KANK1: variants seen among roughly 807,000 people sequenced by gnomAD.
The protein encoded by KANK1 is KN motif and ankyrin repeat domain-containing protein 1.
KANK1 carries 109 observed loss-of-function variants against 106.2 expected under a neutral mutation model. The observed-to-expected ratio is 1.03, with a 90% confidence interval of 0.88 to 1.20. The LOEUF is 1.20. Ranked by LOEUF, KANK1 falls within the 50% of genes most tolerant of loss-of-function variation. The pLI, the probability that KANK1 is intolerant of heterozygous loss-of-function variation, is 0.00. For missense variants in KANK1, 2,399 were observed against 1,710.7 expected (o/e 1.40, Z -7.10); for synonymous variants, 873 against 652.2 (o/e 1.34, Z -5.16).
chr9:730,741 T>C, intron 4 of KANK1: 2 of 181,884 alleles, frequency 1.1e-5, no homozygotes, highest in South Asian at 2.4e-4. Context: ...ATATTACAAA[T>C]TATGAAATAT....
chr9:541,806 C>A (rs1029476307), intron 1 of KANK1, among the ~76,000 whole-genome samples: 1 of 152,008 alleles, frequency 6.6e-6, no homozygotes, highest in African/African-American at 2.4e-5. Context: ...AAAAAATGAA[C>A]AGGCCGGGCG....
At chr9:547,700 G>T (rs1412247828) in intron 1 of KANK1, among the ~76,000 whole-genome samples, 1 of 151,928 alleles carries the variant, frequency 6.6e-6, no homozygotes, top group Non-Finnish European at 1.5e-5. Flanking sequence ...CTTCCTGCAT[G>T]GTGGGTACCA....
chr9:709,438 C>T (rs1825289517), intron 2 of KANK1, among the ~76,000 whole-genome samples: 1 of 152,168 alleles, frequency 6.6e-6, no homozygotes, highest in Admixed American at 6.6e-5. Context: ...AGGGACATCT[C>T]ATCCCAGGCC....
intron 1 of KANK1, among the ~76,000 whole-genome samples, chr9:595,468 G>A (rs1305124543): frequency 4.6e-5 from 7 of 151,852 alleles, no homozygotes; most frequent in Admixed American, 4.6e-4. Context: ...TGCAAAATGA[G>A]CCTGCTGCGA....
At position 745,179 on chromosome 9, in the gene KANK1, C is replaced by T. The variant is rs1273727355; in HGVS notation, c.4003C>T (p.Pro1335Ser). The change falls in exon 12 of 12, where the codon CCT becomes TCT. Residue 1335 changes from proline (P) to serine (S), a missense_variant. Coordinates refer to ENST00000382297, the MANE Select transcript of KANK1 (RefSeq NM_015158.5). ...NFAKAQSPGT[P>S]RLGRKTSPGP... is the part of the protein sequence containing the mutation. ...TTCCTTTCCTGGTCTCTAGGGCACC[C>T]CTAGGCTTGGAAGGAAGACGTCTCC... 6.2e-7 allele frequency: 1 copy of T among 1,613,946 alleles called. No homozygotes were observed.
chr9:504,609 C>T (rs866681321), upstream of KANK1: 1 of 151,154 alleles, frequency 6.6e-6, no homozygotes, highest in Non-Finnish European at 1.5e-5. Flanking sequence ...GGCTTCCCCG[C>T]CCCGGCGGCG....
At chr9:635,691 A>ATT (rs1163885705) in intron 1 of KANK1, among the ~76,000 whole-genome samples, 3 of 116,080 alleles carry the variant, frequency 2.6e-5, no homozygotes, top group Admixed American at 1.8e-4. Flanking sequence ...ATTCCTTTTT[A>ATT]TTCTTTTTTT....
intron 1 of KANK1, among the ~76,000 whole-genome samples, chr9:654,665 C>T (rs1475489394): frequency 6.6e-6 from 1 of 152,116 alleles, no homozygotes; most frequent in Non-Finnish European, 1.5e-5. Context: ...TTTTAAGTCA[C>T]CCTTCTAAGA....
At chr9:654,536 C>T (rs1429636430) in intron 1 of KANK1, among the ~76,000 whole-genome samples, 1 of 151,474 alleles carries the variant, frequency 6.6e-6, no homozygotes, top group African/African-American at 2.4e-5. Flanking sequence ...TTTTTTCAAA[C>T]ACTAACTCAA....
At chr9:557,577 C>T (rs964283733) in intron 1 of KANK1, among the ~76,000 whole-genome samples, 2 of 152,142 alleles carry the variant, frequency 1.3e-5, no homozygotes, top group African/African-American at 4.8e-5. Flanking sequence ...TGAAAAATAG[C>T]CAAACTGTTA....
chr9:505,680 T>A (rs528580675), intron 1 of KANK1, among the ~76,000 whole-genome samples: 2 of 152,186 alleles, frequency 1.3e-5, no homozygotes, highest in African/African-American at 4.8e-5. Context: ...GTTAACAATT[T>A]ATGGCGTCCG....
chr9:717,665 A>C (rs953920322), intron 3 of KANK1, among the ~76,000 whole-genome samples: 2 of 152,216 alleles, frequency 1.3e-5, no homozygotes, highest in Non-Finnish European at 2.9e-5. Context: ...AGTTTCTGTT[A>C]TAACAAAAAT....
At chr9:673,837 G>A (rs1211655684) in intron 1 of KANK1, 1 of 151,990 alleles carries the variant, frequency 6.6e-6, no homozygotes, top group Non-Finnish European at 1.5e-5. Flanking sequence ...AAGCCGTTAT[G>A]GAGCAAGAGT....
At chr9:607,458 C>T (rs1342748691) in intron 1 of KANK1, among the ~76,000 whole-genome samples, 2 of 135,876 alleles carry the variant, frequency 1.5e-5, no homozygotes, top group East Asian at 4.4e-4. Flanking sequence ...GCACTCCAGC[C>T]TGGGCGTTAC....
intron 1 of KANK1, among the ~76,000 whole-genome samples, chr9:576,882 C>T (rs1180778338): frequency 1.3e-5 from 2 of 152,074 alleles, no homozygotes; most frequent in East Asian, 1.9e-4. Flanking sequence ...GAATTGGTTC[C>T]TTCAGGTGGT....
chr9:732,277 G>A (rs1832510616), intron 5 of KANK1, 101 bp from the exon 6 acceptor site: 2 of 1,408,850 alleles, frequency 1.4e-6, no homozygotes, highest in Non-Finnish European at 1.9e-6. Flanking sequence ...AACCACTAGT[G>A]AAATTTCTGG....
At chr9:745,061 C>T (rs1052769923) in intron 11 of KANK1, 112 bp from the exon 12 acceptor site, 88 of 1,532,646 alleles carry the variant, frequency 5.7e-5, no homozygotes, top group East Asian at 1.4e-4. Context: ...TCTCCTGGCT[C>T]GGGCTCACAG....
At chr9:693,114 A>T (rs1820376535) in intron 2 of KANK1, among the ~76,000 whole-genome samples, 1 of 152,168 alleles carries the variant, frequency 6.6e-6, no homozygotes, top group African/African-American at 2.4e-5. Flanking sequence ...GTTATGAATA[A>T]AATGTTTAAG....
intron 1 of KANK1, among the ~76,000 whole-genome samples, chr9:621,153 C>G (rs1275609565): frequency 6.6e-6 from 1 of 152,088 alleles, no homozygotes; most frequent in Admixed American, 6.5e-5. Flanking sequence ...ATATATTTAG[C>G]TAAAAATTTT....
Sources: gnomAD v4.1 joint callset for allele counts (sites outside exome capture counted in the v4.1 genomes callset) on GRCh38, gnomAD v4.1.1 for gene constraint, MANE v1.5 for transcripts, NCBI Gene and HGNC (gene_info 2026-07-23, HGNC 2026-07-21) for gene names.